The following UGP2 variants were observed in gnomAD, a reference collection of about 807,000 sequenced individuals.
UGP2 encodes the protein UTP--glucose-1-phosphate uridylyltransferase.
UGP2 carries 40 observed loss-of-function variants against 49.0 expected under a neutral mutation model. That is an observed-to-expected ratio of 0.82 (90% confidence interval 0.63 to 1.06). The LOEUF is 1.06. Ranked by LOEUF, UGP2 falls within the 50% of genes least tolerant of loss-of-function variation. UGP2 has a pLI of 0.00. For missense variants in UGP2, 460 were observed against 603.5 expected (o/e 0.76, Z 2.49); for synonymous variants, 225 against 213.0 (o/e 1.06, Z -0.49).
rs942749291 is a variant in UGP2, at chr2:63,857,850, G to A, written c.169G>A (p.Gly57Arg). Residue 57 changes from glycine (G) to arginine (R), a missense_variant, in exon 3 of 10, where the codon GGA (glycine) becomes AGA (arginine). Gly to Arg is a moderately radical substitution (Grantham distance 125). Around this residue, in one of 2 missense-constraint regions of UGP2, gnomAD observed 143 missense variants for 130.4 expected, o/e 1.10. Coordinates refer to ENST00000337130, the MANE Select transcript of UGP2 (RefSeq NM_006759.4). ...EFEHTKKDLD[G>R]FRKLFHRFLQ... The stretch of plus-strand genomic sequence containing the variant: ...ACAGCACACCAAAAAAGACCTGGAT[G>A]GATTTCGGAAGCTATTTCATAGATT... The A allele has an allele frequency of 5.6e-6, 9 of 1,614,070 alleles. No homozygotes were observed. The highest frequency in any genetic ancestry group is 7.6e-6 in the Non-Finnish European group (9 of 1,179,974).
intron 3 of UGP2, among the ~76,000 whole-genome samples, chr2:63,867,883 C>A (rs1670285294): frequency 1.3e-5 from 2 of 152,096 alleles, no homozygotes; most frequent in African/African-American, 4.8e-5. Context: ...TTTGTTATTG[C>A]AAAGATACAC....
chr2:63,884,985 C>G (rs367975632), intron 5 of UGP2, among the ~76,000 whole-genome samples: 2 of 124,160 alleles, frequency 1.6e-5, no homozygotes, highest in African/African-American at 5.8e-5. Context: ...ATCTATTTCC[C>G]ATGGTTACTT....
At chr2:63,857,265 C>T (rs984677947) in intron 2 of UGP2, among the ~76,000 whole-genome samples, 4 of 150,206 alleles carry the variant, frequency 2.7e-5, no homozygotes, top group South Asian at 4.2e-4. Context: ...TGCGCCACTA[C>T]ACTCTAGCCT....
chr2:63,890,214 C>T (rs776376158), intron 9 of UGP2, 29 bp downstream of exon 9: 4 of 1,502,506 alleles, frequency 2.7e-6, no homozygotes, highest in Non-Finnish European at 3.7e-6. Flanking sequence ...AATTATATTT[C>T]TTACAGCTTA....
chr2:63,858,880 A>AC lies in UGP2; in HGVS notation c.255+951dup, dbSNP rs11350730. Among the ~76,000 whole-genome samples, 482 of 126,840 alleles carry AC rather than the reference A, an allele frequency of 3.8e-3. 1 individual carries two copies. The highest frequency in any genetic ancestry group is 0.013 in the African/African-American group (441 of 33,744). The allele number at this position is 126,840 out of a possible 152,430, so 83.2% of individuals were successfully genotyped here. The stretch of plus-strand genomic sequence containing the variant: ...AAATTTAGGCACTATTTATTCCCAC[A>AC]CCCCCCCGCCCCCCCGAAACACTTA... On this transcript the variant is annotated intron_variant, in intron 3 of 9. Coordinates refer to ENST00000337130, the MANE Select transcript of UGP2 (RefSeq NM_006759.4).
At chr2:63,843,250 T>G (rs539897296) in intron 1 of UGP2, among the ~76,000 whole-genome samples, 6 of 152,366 alleles carry the variant, frequency 3.9e-5, no homozygotes, top group African/African-American at 1.4e-4. Flanking sequence ...ACTGCCTGTG[T>G]TATTATCGAA....
chr2:63,854,057 C>A (rs1669218194), intron 1 of UGP2, among the ~76,000 whole-genome samples: 1 of 151,942 alleles, frequency 6.6e-6, no homozygotes, highest in Non-Finnish European at 1.5e-5. Flanking sequence ...GAGAGCCAGG[C>A]CAGGAAAAAA....
chr2:63,890,018 A>AT lies in UGP2; in HGVS notation c.1315-58dup. 3.9e-6 allele frequency: 5 copies of AT among 1,284,460 alleles called. No homozygotes were observed. In the South Asian group the frequency reaches 6.4e-5, roughly 17 times the overall value. The allele number at this position is 1,284,460 out of a possible 1,614,324, so 79.6% of individuals were successfully genotyped here. A position where few individuals can be genotyped will look rare whatever the true frequency, so the allele number is the denominator to read the frequency against. ...AGTTCAGTTAAACTTTCTTGTTAATATTTTTCCTGTCTTTCTTTGAACCCA... is the reference window on the plus strand; with the variant it reads ...AGTTCAGTTAAACTTTCTTGTTAATATTTTTTCCTGTCTTTCTTTGAACCCA... On this transcript the variant is annotated intron_variant, in intron 8 of 9. Coordinates refer to ENST00000337130, the MANE Select transcript of UGP2 (RefSeq NM_006759.4).
intron 8 of UGP2, chr2:63,888,469 G>A (rs1197240345): frequency 1.3e-5 from 2 of 152,194 alleles, no homozygotes; most frequent in Non-Finnish European, 2.9e-5. Flanking sequence ...AAATAAATGT[G>A]AGCTGTACAT....
intron 7 of UGP2, 22 bp from the exon 8 acceptor site, chr2:63,887,380 C>A (rs776406230): frequency 6.2e-7 from 1 of 1,612,918 alleles, no homozygotes; most frequent in South Asian, 1.1e-5. Flanking sequence ...GTTTTCTATT[C>A]CCCACCCCTA....
chr2:63,855,446 C>G (rs764413144), intron 1 of UGP2: 2 of 471,956 alleles, frequency 4.2e-6, no homozygotes, highest in South Asian at 1.5e-5. Flanking sequence ...TGATTACTTT[C>G]TAGATAAAGT....
intron 3 of UGP2, among the ~76,000 whole-genome samples, chr2:63,876,666 G>A (rs1235505260): frequency 1.3e-5 from 2 of 152,132 alleles, no homozygotes; most frequent in South Asian, 2.1e-4. Flanking sequence ...GAGGTGGGGC[G>A]GCTTTCTGCC....
intron 7 of UGP2, among the ~76,000 whole-genome samples, chr2:63,886,774 T>C (rs997145496): frequency 2.6e-5 from 4 of 152,162 alleles, no homozygotes; most frequent in Non-Finnish European, 2.9e-5. Flanking sequence ...AACACTGGGC[T>C]TCAAAAGTAG....
chr2:63,877,748 CT>C (rs1411689624), intron 3 of UGP2, among the ~76,000 whole-genome samples: 1 of 151,286 alleles, frequency 6.6e-6, no homozygotes, highest in Non-Finnish European at 1.5e-5. Flanking sequence ...AATCCCAGCA[CT>C]TGGGGAGGCC....
intron 6 of UGP2, 29 bp from the exon 7 acceptor site, chr2:63,886,312 G>T (rs1165275150): frequency 6.2e-7 from 1 of 1,605,842 alleles, no homozygotes; most frequent in African/African-American, 1.3e-5. Context: ...GACTGATGTG[G>T]AGGCACTCAC....
chr2:63,852,633 TATTAG>T (rs1669118492), intron 1 of UGP2, among the ~76,000 whole-genome samples: 1 of 152,206 alleles, frequency 6.6e-6, no homozygotes, highest in African/African-American at 2.4e-5. Context: ...TCCTTGGCAC[TATTAG>T]ATTAGAGTGA....
intron 3 of UGP2, among the ~76,000 whole-genome samples, chr2:63,879,985 T>A (rs1671181189): frequency 6.6e-6 from 1 of 152,156 alleles, no homozygotes; most frequent in Admixed American, 6.5e-5. Context: ...AAATATTAGG[T>A]CCTTGCTAGG....
chr2:63,860,575 C>T (rs1669766799), intron 3 of UGP2, among the ~76,000 whole-genome samples: 1 of 152,024 alleles, frequency 6.6e-6, no homozygotes, highest in Non-Finnish European at 1.5e-5. Context: ...TTCAGATGAT[C>T]ACTTTTAATT....
chr2:63,856,709 A>G (rs1669460288), intron 2 of UGP2: 1 of 497,622 alleles, frequency 2.0e-6, no homozygotes, highest in Non-Finnish European at 3.9e-6. Context: ...TTTTGATGTC[A>G]TTGGGTGGAG....
Sources: allele counts gnomAD v4.1 joint callset (sites outside exome capture counted in the v4.1 genomes callset), GRCh38; gene constraint gnomAD v4.1.1; regional missense constraint gnomAD v4.1.1; transcripts MANE v1.5; gene names NCBI Gene and HGNC (gene_info 2026-07-23, HGNC 2026-07-21).